Variants in OR4N2 observed in about 807,000 individuals in gnomAD.
The protein encoded by OR4N2 is olfactory receptor family 4 subfamily N member 2.
For missense variants in OR4N2, 307 were observed against 377.6 expected, an observed-to-expected ratio of 0.81 and a Z score of 1.55; for synonymous variants, 141 against 140.4, an observed-to-expected ratio of 1.00 and a Z score of -0.03.
intron 1 of OR4N2, among the ~76,000 whole-genome samples, chr14:19,810,907 A>C (rs1321910780): frequency 6.6e-6 from 1 of 152,266 alleles, no homozygotes; most frequent in Non-Finnish European, 1.5e-5. Flanking sequence ...AAGAATGACA[A>C]TATGACAAAA....
intron 1 of OR4N2, among the ~76,000 whole-genome samples, chr14:19,810,463 T>C (rs1320915531): frequency 1.3e-5 from 2 of 152,270 alleles, no homozygotes; most frequent in African/African-American, 4.8e-5. Flanking sequence ...GGAATTATCA[T>C]TTAACCTAGC....
chr14:19,822,921 G>T (rs1483665084), intron 1 of OR4N2, among the ~76,000 whole-genome samples: 3 of 152,252 alleles, frequency 2.0e-5, no homozygotes, highest in African/African-American at 7.2e-5. Flanking sequence ...TTCAAGGCAT[G>T]AGAGTCAGAT....
At position 19,828,676 on chromosome 14, in the gene OR4N2, AT is replaced by A. The variant is rs1879791672; in HGVS notation, c.*307del. 16 of 277,158 alleles carry A rather than the reference AT, an allele frequency of 5.8e-5. No homozygotes were observed. The East Asian group carries it at 1.3e-3, about 22-fold the overall frequency. 17.2% of individuals were successfully genotyped at this position (277,158 alleles called of 1,614,324 possible). ...TGTGACTCTGGATTGGGAGTAACCAATTTGTGTTTAATAATCAAAAAAGACC... is the reference window on the plus strand; with the variant it reads ...TGTGACTCTGGATTGGGAGTAACCAATTGTGTTTAATAATCAAAAAAGACC... On this transcript the variant is annotated 3_prime_UTR_variant, in exon 2 of 2. Coordinates refer to ENST00000557677, the MANE Select transcript of OR4N2 (RefSeq NM_001004723.3).
In OR4N2 at chr14:19,816,280, T is replaced by C. The variant is rs1417507659; in HGVS notation, c.-9-11160T>C. Among the ~76,000 whole-genome samples, 33 of 152,268 alleles carry C rather than the reference T, an allele frequency of 2.2e-4. 1 individual carries two copies. The highest frequency in any genetic ancestry group is 7.7e-4 in the African/African-American group (32 of 41,470). On this transcript the variant is annotated intron_variant, in intron 1 of 1. Coordinates refer to ENST00000557677, the MANE Select transcript of OR4N2 (RefSeq NM_001004723.3). ...TGGGGATAGCATTGAATCTGTAAAT[T>C]ACTTTGGGCAATATGGCCATTTTCA... is the stretch of plus-strand genomic sequence containing the variant.
intron 1 of OR4N2, among the ~76,000 whole-genome samples, chr14:19,812,312 T>C (rs1370163185): frequency 8.1e-6 from 1 of 123,694 alleles, no homozygotes; most frequent in Non-Finnish European, 1.8e-5. Context: ...CTTTTTTTTT[T>C]TCTTTTCTTT....
intron 1 of OR4N2, among the ~76,000 whole-genome samples, chr14:19,814,418 T>G (rs1879376606): frequency 6.6e-6 from 1 of 152,240 alleles, no homozygotes; most frequent in South Asian, 2.1e-4. Context: ...TAATATTTCC[T>G]TTGCTAATGT....
At chr14:19,825,748 T>C (rs1780868) in intron 1 of OR4N2, among the ~76,000 whole-genome samples, 127,961 of 151,728 alleles carry the variant, frequency 0.84, 52,223 homozygotes, top group Non-Finnish European at 0.85. Context: ...TTAGTAGAGA[T>C]AGGGTTTCAC....
chr14:19,805,314 C>G (rs1451838550), intron 1 of OR4N2, among the ~76,000 whole-genome samples: 1 of 152,172 alleles, frequency 6.6e-6, no homozygotes, highest in African/African-American at 2.4e-5. Flanking sequence ...CATTGAGATT[C>G]AGGACAAATT....
chr14:19,816,297 C>T (rs536426302), intron 1 of OR4N2, among the ~76,000 whole-genome samples: 2 of 152,332 alleles, frequency 1.3e-5, no homozygotes, highest in South Asian at 4.1e-4. Context: ...GGCAATATGG[C>T]CATTTTCATG....
Position 19,829,305 on chromosome 14 carries a change from G to A in OR4N2, c.*933G>A, listed in dbSNP as rs1182957141. 2 of 152,178 alleles carry A rather than the reference G, an allele frequency of 1.3e-5. No individual in the cohort carries two copies. The highest frequency in any genetic ancestry group is 2.4e-5 in the African/African-American group (1 of 41,416). 9.4% of individuals were successfully genotyped at this position (152,178 alleles called of 1,614,324 possible). On this transcript the variant is annotated 3_prime_UTR_variant, in exon 2 of 2. Transcript: ENST00000557677. The stretch of plus-strand genomic sequence containing the variant: ...TGTATGTTTGACCTTATTGCCAATT[G>A]ATTTCACTCTAAGTTTAATAACAAC...
intron 1 of OR4N2, among the ~76,000 whole-genome samples, chr14:19,826,341 T>A (rs2138482596): frequency 6.6e-6 from 1 of 152,388 alleles, no homozygotes; most frequent in East Asian, 1.9e-4. Flanking sequence ...ATATTATTTT[T>A]AGTTATCCAA....
intron 1 of OR4N2, among the ~76,000 whole-genome samples, chr14:19,825,068 T>A (rs966913595): frequency 4.6e-5 from 7 of 152,252 alleles, no homozygotes; most frequent in African/African-American, 1.7e-4. Context: ...GGGGAAAGGT[T>A]AAGACATGAG....
chr14:19,825,161 G>A (rs1372123637), intron 1 of OR4N2, among the ~76,000 whole-genome samples: 15 of 152,348 alleles, frequency 9.8e-5, no homozygotes, highest in South Asian at 2.1e-4. Flanking sequence ...GTGTGCATAC[G>A]TGTGTGTTCA....
chr14:19,825,459 C>T (rs1879670049), intron 1 of OR4N2, among the ~76,000 whole-genome samples: 2 of 151,692 alleles, frequency 1.3e-5, no homozygotes, highest in East Asian at 3.9e-4. Flanking sequence ...TTTCTAGGTA[C>T]TGTTGCAGTA....
rs528085677 is a variant in OR4N2, at chr14:19,828,265, C to T, written c.817C>T (p.Leu273Phe). 7 of 1,614,128 alleles carry T rather than the reference C, an allele frequency of 4.3e-6. No homozygotes were observed. The highest frequency in any genetic ancestry group is 2.7e-5 in the African/African-American group (2 of 74,938). ...RAFPADKVVSLFHTVIFPLLN... is the reference protein window; with the variant it reads ...RAFPADKVVSFFHTVIFPLLN... ...TTTCCCAGCTGACAAGGTGGTTTCT[C>T]TCTTCCACACAGTGATTTTTCCTTT... The change falls in exon 2 of 2, where the codon CTC (leucine) becomes TTC (phenylalanine). Residue 273 changes from leucine (L) to phenylalanine (F), a missense_variant. Leu to Phe is a conservative substitution (Grantham distance 22). Transcript: ENST00000557677.
At chr14:19,804,328 G>GT (rs1167713520) in intron 1 of OR4N2, among the ~76,000 whole-genome samples, 1 of 151,808 alleles carries the variant, frequency 6.6e-6, no homozygotes, top group African/African-American at 2.4e-5. Flanking sequence ...TTCTGATGTA[G>GT]TTTTTTCTTT....
At chr14:19,819,038 T>C (rs1453486294) in intron 1 of OR4N2, among the ~76,000 whole-genome samples, 3 of 152,270 alleles carry the variant, frequency 2.0e-5, no homozygotes, top group African/African-American at 7.2e-5. Flanking sequence ...GTAGGGTTTC[T>C]GCAGAGAGAT....
chr14:19,806,257 C>T (rs866018640), intron 1 of OR4N2, among the ~76,000 whole-genome samples: 25 of 152,058 alleles, frequency 1.6e-4, no homozygotes, highest in African/African-American at 4.3e-4. Context: ...ATCTAAATGC[C>T]CTACTTAAAA....
intron 1 of OR4N2, among the ~76,000 whole-genome samples, chr14:19,819,491 T>C (rs1415443376): frequency 6.6e-6 from 1 of 152,276 alleles, no homozygotes; most frequent in Non-Finnish European, 1.5e-5. Context: ...TATTGATACT[T>C]GCGTATGCTT....
Sources: allele counts gnomAD v4.1 joint callset (sites outside exome capture counted in the v4.1 genomes callset), GRCh38; gene constraint gnomAD v4.1.1; transcripts MANE v1.5; gene names NCBI Gene and HGNC (gene_info 2026-07-23, HGNC 2026-07-21).